DEFB129: variants seen among roughly 807,000 people sequenced by gnomAD.
DEFB129 encodes the protein beta-defensin 129.
DEFB129 carries 2 observed loss-of-function variants against 2.5 expected under a neutral mutation model. That is an observed-to-expected ratio of 0.80 (90% CI 0.33 to 2.53). The LOEUF is 2.53. Among genes scored for constraint, DEFB129 ranks in the 30% most tolerant of loss-of-function variants. DEFB129 has a pLI of 0.11. For missense variants in DEFB129, 177 were observed against 216.9 expected (o/e 0.82, Z 1.16); for synonymous variants, 76 against 74.4 (o/e 1.02, Z -0.11).
At chr20:227,832 C>T (rs1157875834) in intron 1 of DEFB129, among the ~76,000 whole-genome samples, 1 of 152,116 alleles carries the variant, frequency 6.6e-6, no homozygotes, top group African/African-American at 2.4e-5. Flanking sequence ...AGCTATTTTT[C>T]CTGATGCTCT....
At chr20:229,058 AC>A (rs2011309970) in intron 1 of DEFB129, among the ~76,000 whole-genome samples, 1 of 152,182 alleles carries the variant, frequency 6.6e-6, no homozygotes, top group Admixed American at 6.6e-5. Flanking sequence ...TCTTAAAGTT[AC>A]TCAAGGAAGG....
At position 228,878 on chromosome 20, in the gene DEFB129, T is replaced by A. The variant is rs748369172; in HGVS notation, c.59-400T>A. On this transcript the variant is annotated intron_variant, in intron 1 of 1. Transcript: ENST00000246105. Reference sequence around the variant, plus strand: ...CCTGAAAATTCTATTGATTCTCTTTTGAACTTCTTTCTTAAATTAGTTTTA... The same window carrying A: ...CCTGAAAATTCTATTGATTCTCTTTAGAACTTCTTTCTTAAATTAGTTTTA... 3.3e-5 allele frequency among the ~76,000 whole-genome samples: 5 copies of A among 152,208 alleles called. No individual in the cohort carries two copies. The East Asian group carries it at 9.6e-4, about 29-fold the overall frequency.
rs1167613125 is a variant in DEFB129 at position 229,649 on chromosome 20, T to G, written c.430T>G (p.Ser144Ala). The G allele has an allele frequency of 6.2e-7, 1 of 1,614,118 alleles. No individual in the cohort carries two copies. The highest frequency in any genetic ancestry group is 1.7e-5 in the Admixed American group (1 of 60,020). The part of the protein sequence containing the change: ...TPGQITYTAT[S>A]TKSNTKESRD... ...AGGACAGATCACATACACTGCTACT[T>G]CTACCAAGAGTAACACCAAAGAAAG... Residue 144 changes from serine to alanine, a missense_variant, in exon 2 of 2, where the codon TCT (serine) becomes GCT (alanine). By Grantham distance (99) the Ser-to-Ala change is moderately conservative. Transcript: ENST00000246105.
chr20:228,812 G>C (rs2122159321), intron 1 of DEFB129, among the ~76,000 whole-genome samples: 1 of 152,306 alleles, frequency 6.6e-6, no homozygotes, highest in South Asian at 2.1e-4. Flanking sequence ...GTTGAGAAGA[G>C]AGAAGTCATG....
chr20:228,443 G>A (rs1002641512), intron 1 of DEFB129, among the ~76,000 whole-genome samples: 10 of 152,108 alleles, frequency 6.6e-5, no homozygotes, highest in African/African-American at 2.4e-4. Flanking sequence ...TCTGTTTCCC[G>A]TTTGATGAGA....
In DEFB129 at chr20:229,608, T is replaced by C. The variant is rs202069846; in HGVS notation, c.389T>C (p.Ile130Thr). 1.4e-5 allele frequency: 23 copies of C among 1,614,164 alleles called. No homozygotes were observed. The highest frequency in any genetic ancestry group is 1.9e-5 in the Non-Finnish European group (22 of 1,180,014). Residue 130 changes from isoleucine (I) to threonine (T), a missense_variant, in exon 2 of 2, where the codon ATC becomes ACC. By Grantham distance (89) the Ile-to-Thr change is moderately conservative. Coordinates refer to ENST00000246105, the MANE Select transcript of DEFB129 (RefSeq NM_080831.4). ...PNATPMNSAT[I>T]STMTPGQITY... ...GCCACCCCTATGAACTCTGCCACCA[T>C]CAGCACTATGACCCCAGGACAGATC...
intron 1 of DEFB129, among the ~76,000 whole-genome samples, chr20:228,961 C>A (rs2011309221): frequency 6.6e-6 from 1 of 152,198 alleles, no homozygotes; most frequent in African/African-American, 2.4e-5. Context: ...ATAGTGATGT[C>A]TGACAAGTAC....
rs772706725 is a variant in DEFB129 at position 229,777 on chromosome 20, A to G, written c.*6A>G. The G allele has an allele frequency of 6.3e-7, 1 of 1,598,832 alleles. No individual in the cohort carries two copies. On this transcript the variant is annotated 3_prime_UTR_variant, in exon 2 of 2. Coordinates refer to ENST00000246105, the MANE Select transcript of DEFB129 (RefSeq NM_080831.4). ...AGGAAGCAGAAGAGCAGTAATGTGG[A>G]TCTTTCCCTTAAAACTCCAAGTTCC...
chr20:229,035 C>T lies in DEFB129; in HGVS notation c.59-243C>T, dbSNP rs74559846. 7.1e-3 allele frequency among the ~76,000 whole-genome samples: 1,077 copies of T among 152,312 alleles called. 5 individuals are homozygous for T. Among genetic ancestry groups the T allele is most frequent in the South Asian group, 0.044 (210 of 4,826 alleles). On this transcript the variant is annotated intron_variant, in intron 1 of 1. Transcript: ENST00000246105. ...AAGCAAATAATTACTCTATCATCTA[C>T]GTGCCCTTTGCTTCTTAAAGTTACT...
chr20:227,479 T>C (rs1028651234), intron 1 of DEFB129, 133 bp downstream of exon 1: 2 of 1,053,358 alleles, frequency 1.9e-6, no homozygotes, highest in African/African-American at 3.1e-5. Context: ...AGCTTACCTA[T>C]TGTATCAGTC....
intron 1 of DEFB129, among the ~76,000 whole-genome samples, chr20:228,301 T>C (rs868127371): frequency 1.3e-5 from 2 of 152,182 alleles, no homozygotes; most frequent in Non-Finnish European, 2.9e-5. Flanking sequence ...CTTGGGACCC[T>C]AGGAAAAGGG....
intron 1 of DEFB129, among the ~76,000 whole-genome samples, 189 bp from the exon 2 acceptor site, chr20:229,089 A>T (rs1295281851): frequency 6.6e-6 from 1 of 152,224 alleles, no homozygotes; most frequent in African/African-American, 2.4e-5. Flanking sequence ...CAGGAAATTT[A>T]CTTTGGATTC....
Position 227,317 on chromosome 20 carries a change from G to A in DEFB129, c.29G>A (p.Ser10Asn). The A allele has an allele frequency of 1.2e-6, 2 of 1,614,134 alleles. No individual in the cohort carries two copies. Among genetic ancestry groups the A allele is most frequent in the African/African-American group, 1.3e-5 (1 of 75,044 alleles). Residue 10 changes from serine (S) to asparagine (N), a missense_variant, in exon 1 of 2, where the codon AGC (serine) becomes AAC (asparagine). Coordinates refer to ENST00000246105, the MANE Select transcript of DEFB129 (RefSeq NM_080831.4). ...AAGCTCCTTTTTCCTATCTTTGCCAGCCTCATGCTACAGTACCAGGTGAAC... is the reference window on the plus strand; with the variant it reads ...AAGCTCCTTTTTCCTATCTTTGCCAACCTCATGCTACAGTACCAGGTGAAC... MKLLFPIFA[S>N]LMLQYQVNTE...
At chr20:229,232 T>C in intron 1 of DEFB129, 46 bp from the exon 2 acceptor site, 2 of 1,533,234 alleles carry the variant, frequency 1.3e-6, no homozygotes, top group African/African-American at 1.4e-5. Context: ...TAACATCATC[T>C]CTAGTTATTA....
At position 229,236 on chromosome 20, in the gene DEFB129, G is replaced by A. The variant is rs200493065; in HGVS notation, c.59-42G>A. ...ACTAGCAGTTTTAACATCATCTCTA[G>A]TTATTAACCTTGGCTCAATGGCTTT... is the stretch of plus-strand genomic sequence containing the variant. On this transcript the variant is annotated intron_variant, in intron 1 of 1. Coordinates refer to ENST00000246105, the MANE Select transcript of DEFB129 (RefSeq NM_080831.4). 4.8e-5 allele frequency: 74 copies of A among 1,536,226 alleles called. No homozygotes were observed. In the African/African-American group the frequency reaches 1.0e-3, roughly 21 times the overall value.
In DEFB129 at chr20:229,473, C is replaced by A; in HGVS notation, c.254C>A (p.Pro85His). ...GAAGACGTCCAAGAAATGCTAAAAC[C>A]TGCCAAGAATTCTAGTGCTGTGATA... ...LNEDVQEMLK[P>H]AKNSSAVIQR... Residue 85 changes from proline to histidine, a missense_variant, in exon 2 of 2, where the codon CCT becomes CAT. By Grantham distance (77) the Pro-to-His change is moderately conservative. Transcript: ENST00000246105. 6.2e-7 allele frequency: 1 copy of A among 1,614,118 alleles called. No individual in the cohort carries two copies. Among genetic ancestry groups the A allele is most frequent in the Non-Finnish European group, 8.5e-7 (1 of 1,180,010 alleles).
chr20:227,410 A>G, intron 1 of DEFB129, 64 bp downstream of exon 1: 3 of 1,567,138 alleles, frequency 1.9e-6, no homozygotes, highest in Non-Finnish European at 2.6e-6. Flanking sequence ...GCTGCCCATG[A>G]CAATGGAAAC....
At chr20:227,989 A>C (rs1220373267) in intron 1 of DEFB129, among the ~76,000 whole-genome samples, 2 of 152,190 alleles carry the variant, frequency 1.3e-5, no homozygotes, top group African/African-American at 4.8e-5. Context: ...AAGATCAAGT[A>C]AACAGGCCTG....
chr20:227,946 G>A (rs1008233205), intron 1 of DEFB129, among the ~76,000 whole-genome samples: 1 of 151,996 alleles, frequency 6.6e-6, no homozygotes, highest in African/African-American at 2.4e-5. Flanking sequence ...AAAGGAGGAA[G>A]TTCTTCCCTC....
Sources: gnomAD v4.1 joint callset for allele counts (sites outside exome capture counted in the v4.1 genomes callset) on GRCh38, gnomAD v4.1.1 for gene constraint, MANE v1.5 for transcripts, NCBI Gene and HGNC (gene_info 2026-07-23, HGNC 2026-07-21) for gene names.